Variants in GNAO1 observed in about 807,000 individuals in gnomAD.
GNAO1 encodes guanine nucleotide-binding protein G(o) subunit alpha.
For missense variants in GNAO1, 166 were observed against 478.7 expected (o/e 0.35, Z 6.10); for synonymous variants, 164 against 180.7 (o/e 0.91, Z 0.74).
chr16:56,303,785 C>T (rs1341908459), intron 3 of GNAO1, among the ~76,000 whole-genome samples: 16 of 152,076 alleles, frequency 1.1e-4, no homozygotes, highest in African/African-American at 3.9e-4. Context: ...TGAATCTGCC[C>T]TCAGAGTTCT....
intron 6 of GNAO1, among the ~76,000 whole-genome samples, chr16:56,337,220 A>G (rs1466360820): frequency 5.9e-5 from 9 of 152,384 alleles, no homozygotes; most frequent in African/African-American, 2.2e-4. Context: ...TGTACAGGCA[A>G]CAGAAATAGC....
intron 2 of GNAO1, among the ~76,000 whole-genome samples, chr16:56,272,882 A>G (rs2037030745): frequency 6.6e-6 from 1 of 152,206 alleles, no homozygotes; most frequent in African/African-American, 2.4e-5. Context: ...CAAATGAAGC[A>G]TGAGAAACTC....
At chr16:56,235,524 TGA>T in intron 2 of GNAO1, 2 of 426,348 alleles carry the variant, frequency 4.7e-6, no homozygotes, top group South Asian at 1.7e-5. Flanking sequence ...CGACATCCCC[TGA>T]GAGCACAACC....
chr16:56,323,027 C>T (rs1420747208), intron 3 of GNAO1, among the ~76,000 whole-genome samples: 5 of 152,108 alleles, frequency 3.3e-5, no homozygotes, highest in East Asian at 1.9e-4. Context: ...TGTTGCTGTG[C>T]GCTGTGGGAG....
chr16:56,242,471 C>T, intron 2 of GNAO1, among the ~76,000 whole-genome samples: 1 of 152,146 alleles, frequency 6.6e-6, no homozygotes, highest in Non-Finnish European at 1.5e-5. Flanking sequence ...AAAGAATAGG[C>T]ATCTAGATCA....
At chr16:56,341,051 C>T in intron 6 of GNAO1, 3 of 1,373,690 alleles carry the variant, frequency 2.2e-6, no homozygotes, top group East Asian at 2.3e-5. Flanking sequence ...AAGCCCAGTC[C>T]ACCCTTCCTG....
At chr16:56,345,081 G>A in intron 6 of GNAO1, 2 of 985,528 alleles carry the variant, frequency 2.0e-6, no homozygotes, top group Non-Finnish European at 2.4e-6. Context: ...TAAAGGGAGA[G>A]TCCTAGGACT....
intron 2 of GNAO1, among the ~76,000 whole-genome samples, chr16:56,267,740 T>C (rs2036970911): frequency 6.6e-6 from 1 of 152,158 alleles, no homozygotes; most frequent in Non-Finnish European, 1.5e-5. Context: ...TCTTCCCTAT[T>C]AGAATGCAAG....
intron 6 of GNAO1, chr16:56,344,336 C>A: frequency 9.3e-7 from 1 of 1,069,602 alleles, no homozygotes; most frequent in Non-Finnish European, 1.1e-6. Context: ...CGCAGATGGC[C>A]CTGCAGCAGG....
At chr16:56,228,500 A>AAAAATAG (rs1245225513) in intron 2 of GNAO1, among the ~76,000 whole-genome samples, 1 of 151,912 alleles carries the variant, frequency 6.6e-6, no homozygotes, top group African/African-American at 2.4e-5. Context: ...ATACATAAAG[A>AAAAATAG]AAAATAGAAA....
At chr16:56,288,044 C>G (rs926238688) in intron 3 of GNAO1, among the ~76,000 whole-genome samples, 3 of 152,132 alleles carry the variant, frequency 2.0e-5, no homozygotes, top group African/African-American at 7.2e-5. Flanking sequence ...TCATTAGGGC[C>G]GCCTATGACT....
chr16:56,192,392 G>A (rs781694164), intron 1 of GNAO1, 39 bp downstream of exon 1: 6 of 1,163,170 alleles, frequency 5.2e-6, no homozygotes, highest in Admixed American at 1.9e-5. Context: ...CCCGACCCCG[G>A]CCACTCCGCA....
intron 2 of GNAO1, chr16:56,270,725 A>T (rs2037008288): frequency 6.6e-6 from 1 of 152,204 alleles, no homozygotes; most frequent in South Asian, 2.1e-4. Flanking sequence ...CCTTTTAGTC[A>T]TGTCTCTGTT....
chr16:56,286,984 G>T (rs961688446), intron 3 of GNAO1, among the ~76,000 whole-genome samples: 1 of 152,310 alleles, frequency 6.6e-6, no homozygotes, highest in East Asian at 1.9e-4. Flanking sequence ...CATGTCGTAG[G>T]GTGGAGGGCC....
rs1251388758 is a variant in GNAO1 at position 56,351,830 on chromosome 16, C to T, written c.877+293C>T. Reference sequence around the variant, plus strand: ...GACAGGATCACAGGCTTCCCCCTTCCTCCTGGTCACCCTCTAGAAGAGGTC... The same window carrying T: ...GACAGGATCACAGGCTTCCCCCTTCTTCCTGGTCACCCTCTAGAAGAGGTC... On this transcript the variant is annotated intron_variant, in intron 7 of 8. Transcript: ENST00000262493. The surrounding 1 kb of genome is among the most constrained non-coding windows in gnomAD (Gnocchi z 6.1). 5.5e-6 allele frequency: 2 copies of T among 363,292 alleles called. No individual in the cohort carries two copies. The highest frequency in any genetic ancestry group is 5.1e-6 in the Non-Finnish European group (1 of 196,666). 22.5% of individuals were successfully genotyped at this position (363,292 alleles called of 1,614,324 possible).
At chr16:56,230,123 TAA>T (rs150588038) in intron 2 of GNAO1, among the ~76,000 whole-genome samples, 120 of 148,580 alleles carry the variant, frequency 8.1e-4, no homozygotes, top group African/African-American at 2.8e-3. Context: ...TCCATAACTT[TAA>T]AAAAAAAAAA....
At chr16:56,346,832 A>G (rs1451019004) in intron 6 of GNAO1, 3 of 985,352 alleles carry the variant, frequency 3.0e-6, no homozygotes, top group East Asian at 1.1e-4. Flanking sequence ...GGCAGCCCCA[A>G]GTTCCAACTT....
rs1314716574 is a variant in GNAO1, at chr16:56,351,719, C to T, written c.877+182C>T. 6.6e-6 allele frequency among the ~76,000 whole-genome samples: 1 copy of T among 152,204 alleles called. No homozygotes were observed. Among genetic ancestry groups the T allele is most frequent in the African/African-American group, 2.4e-5 (1 of 41,450 alleles). Reference sequence around the variant, plus strand: ...CACCAGGTTTGGGCTTCCCAGGACACAGCCCTCAGCGTGGTGGAAATGGCC... The same window carrying T: ...CACCAGGTTTGGGCTTCCCAGGACATAGCCCTCAGCGTGGTGGAAATGGCC... On this transcript the variant is annotated intron_variant, in intron 7 of 8. Transcript: ENST00000262493. This position sits in a 1 kb window ranked among gnomAD's most constrained non-coding sequence, Gnocchi z 6.1.
At position 56,328,690 on chromosome 16, in the gene GNAO1, T is replaced by C; in HGVS notation, c.363T>C (p.Ser121=). 6.2e-7 allele frequency: 1 copy of C among 1,614,168 alleles called. No homozygotes were observed. Among genetic ancestry groups the C allele is most frequent in the Non-Finnish European group, 8.5e-7 (1 of 1,179,982 alleles). The change falls in exon 4 of 9, where the codon TCT becomes TCC. Residue 121 remains serine, a synonymous_variant. Coordinates refer to ENST00000262493, the MANE Select transcript of GNAO1 (RefSeq NM_020988.3). ...GGATGGAAGACACCGAGCCCTTCTC[T>C]GCAGAGCTGCTTTCTGCCATGATGC... ...VSRMEDTEPF[S]AELLSAMMRL...
Sources: allele counts gnomAD v4.1 joint callset (sites outside exome capture counted in the v4.1 genomes callset), GRCh38; gene constraint gnomAD v4.1.1; non-coding constraint Gnocchi (gnomAD v3.1); transcripts MANE v1.5; gene names NCBI Gene and HGNC (gene_info 2026-07-23, HGNC 2026-07-21).